GTF2IRD2B: variants seen among roughly 807,000 people sequenced by gnomAD.
The protein encoded by GTF2IRD2B is GTF2I repeat domain containing 2B.
A neutral mutation model predicts 55.6 loss-of-function variants in GTF2IRD2B; 10 were observed. That is an observed-to-expected ratio of 0.18 (90% CI 0.11 to 0.31). GTF2IRD2B has a LOEUF of 0.31. GTF2IRD2B is among the 10% of genes least tolerant of loss of function. The probability of loss-of-function intolerance (pLI) is 1.00; values close to 1 mark genes in which losing one functional copy is unlikely to be tolerated. For synonymous variants in GTF2IRD2B, 107 were observed against 320.5 expected (o/e 0.33, Z 7.12); for missense variants, 206 against 802.7 (o/e 0.26, Z 8.98).
At chr7:75,121,837 T>C (rs1808382363) in intron 4 of GTF2IRD2B, among the ~76,000 whole-genome samples, 1 of 133,298 alleles carries the variant, frequency 7.5e-6, no homozygotes, top group African/African-American at 2.9e-5. Context: ...CTCGGCTCAC[T>C]GCAAGCTCCG....
intron 11 of GTF2IRD2B, 140 bp downstream of exon 11, chr7:75,136,990 GC>G: frequency 1.4e-5 from 4 of 293,626 alleles, no homozygotes; most frequent in South Asian, 8.4e-5. Context: ...TATTGCTTGA[GC>G]CCAGGAGTTT....
intron 2 of GTF2IRD2B, among the ~76,000 whole-genome samples, chr7:75,112,054 T>C (rs1554450783): frequency 5.0e-5 from 1 of 19,968 alleles, no homozygotes; most frequent in South Asian, 1.9e-3. Flanking sequence ...CCATCCTGGC[T>C]AACACGGTGA....
chr7:75,117,461 ACCAACAG>A (rs1270398178), intron 3 of GTF2IRD2B, among the ~76,000 whole-genome samples: 1 of 152,296 alleles, frequency 6.6e-6, no homozygotes, highest in Non-Finnish European at 1.5e-5. Context: ...GCCTGTGATG[ACCAACAG>A]CATTTGGGAT....
At chr7:75,127,883 TA>T (rs1231619070) in intron 8 of GTF2IRD2B, among the ~76,000 whole-genome samples, 1 of 4,286 alleles carries the variant, frequency 2.3e-4, no homozygotes, top group Admixed American at 2.3e-3. Flanking sequence ...AGGTTAAGAT[TA>T]AAAAAAAAAA....
At position 75,149,265 on chromosome 7, in the gene GTF2IRD2B, C is replaced by A. The variant is rs1584555297; in HGVS notation, c.2818C>A (p.Gln940Lys). Residue 940 changes from glutamine to lysine, a missense_variant, in exon 16 of 16, where the codon CAG (glutamine) becomes AAG (lysine). Physicochemically the swap from Gln to Lys is moderately conservative, Grantham distance 53. Coordinates refer to ENST00000472837, the MANE Select transcript of GTF2IRD2B (RefSeq NM_001003795.3). ...ATACTGCTCCCAGTTAAAGGATTCC[C>A]AGTGGGATTCTGTACTCCACATCGC... ...TKYCSQLKDS[Q>K]WDSVLHIAT The A allele has an allele frequency of 2.7e-6, 2 of 752,320 alleles. No individual in the cohort carries two copies. Among genetic ancestry groups the A allele is most frequent in the East Asian group, 4.9e-5 (2 of 40,928 alleles). 46.6% of individuals were successfully genotyped at this position (752,320 alleles called of 1,614,324 possible). A position where few individuals can be genotyped will look rare whatever the true frequency, so the allele number is the denominator to read the frequency against.
intron 1 of GTF2IRD2B, among the ~76,000 whole-genome samples, chr7:75,102,924 A>G (rs1807625534): frequency 6.6e-6 from 1 of 151,080 alleles, no homozygotes; most frequent in Admixed American, 6.6e-5. Flanking sequence ...ATGCCATTTC[A>G]CTCCAGCCTG....
intron 11 of GTF2IRD2B, 118 bp from the exon 12 acceptor site, chr7:75,138,825 CAAAAAAA>C (rs71273506): frequency 2.5e-4 from 2 of 8,016 alleles, no homozygotes; most frequent in Non-Finnish European, 4.5e-4. Flanking sequence ...GAACCTGTCT[CAAAAAAA>C]AAAAAAAAAA....
Position 75,112,444 on chromosome 7 carries a change from G to A in GTF2IRD2B, c.147G>A (p.Val49=). 1 of 599,586 alleles carries A rather than the reference G, an allele frequency of 1.7e-6. No individual in the cohort carries two copies. The highest frequency in any genetic ancestry group is 1.8e-5 in the South Asian group (1 of 56,412). 37.1% of individuals were successfully genotyped at this position (599,586 alleles called of 1,614,324 possible). The change falls in exon 3 of 16, where the codon GTG becomes GTA. Residue 49 remains valine (V), a synonymous_variant. Transcript: ENST00000472837. ...KSKAEVACIA[V]YETDVFVVGT... ...AGGCAGAAGTGGCCTGCATCGCAGT[G>A]TACGAAACAGACGTGTTTGTCGTCG...
chr7:75,134,012 A>G (rs1230867645), intron 9 of GTF2IRD2B, among the ~76,000 whole-genome samples: 1 of 126,910 alleles, frequency 7.9e-6, no homozygotes, highest in Non-Finnish European at 1.6e-5. Context: ...TCCTGAACTG[A>G]CTGGTCACTG....
At chr7:75,133,670 G>C (rs1554453233) in intron 9 of GTF2IRD2B, among the ~76,000 whole-genome samples, 1 of 149,034 alleles carries the variant, frequency 6.7e-6, no homozygotes, top group Non-Finnish European at 1.5e-5. Context: ...AGCCTCCCAA[G>C]GAGGTGGGAT....
Position 75,147,812 on chromosome 7 carries a change from T to A in GTF2IRD2B, c.1365T>A (p.Ser455=). The A allele has an allele frequency of 1.3e-6, 1 of 783,210 alleles. No homozygotes were observed. The highest frequency in any genetic ancestry group is 2.3e-6 in the Non-Finnish European group (1 of 426,478). The allele number at this position is 783,210 out of a possible 1,614,324, so 48.5% of individuals were successfully genotyped here. A position where few individuals can be genotyped will look rare whatever the true frequency, so the allele number is the denominator to read the frequency against. ...GTCTCATATGCAAACAAAGCATGTC[T>A]GTGTCCAAAGAATATAACCTAAGAC... is the stretch of plus-strand genomic sequence containing the variant. ...PTCLICKQSM[S]VSKEYNLRRH... Residue 455 remains serine (S), a synonymous_variant, in exon 16 of 16, where the codon TCT becomes TCA. Coordinates refer to ENST00000472837, the MANE Select transcript of GTF2IRD2B (RefSeq NM_001003795.3).
chr7:75,092,889 C>A (rs1366876994), intron 1 of GTF2IRD2B, 124 bp downstream of exon 1: 1 of 152,258 alleles, frequency 6.6e-6, no homozygotes, highest in African/African-American at 2.4e-5. Flanking sequence ...GGGAGGTGGC[C>A]CCCCGGGACA....
chr7:75,093,095 C>T (rs1231216263), intron 1 of GTF2IRD2B, among the ~76,000 whole-genome samples: 1 of 152,098 alleles, frequency 6.6e-6, no homozygotes, highest in South Asian at 2.1e-4. Flanking sequence ...GGGGCGCTCG[C>T]GCTGCGTGCA....
At chr7:75,093,248 C>T (rs200198838) in intron 1 of GTF2IRD2B, among the ~76,000 whole-genome samples, 6,504 of 148,782 alleles carry the variant, frequency 0.044, no homozygotes, top group Middle Eastern at 0.14. Context: ...TCGCGACGGC[C>T]TCCGGGGATC....
In GTF2IRD2B at chr7:75,123,689, C is replaced by T. The variant is rs1381298676; in HGVS notation, c.571+173C>T. 2 of 715,094 alleles carry T rather than the reference C, an allele frequency of 2.8e-6. 1 individual carries two copies. Among genetic ancestry groups the T allele is most frequent in the Non-Finnish European group, 5.0e-6 (2 of 401,062 alleles). The allele number at this position is 715,094 out of a possible 1,614,324, so 44.3% of individuals were successfully genotyped here. A position where few individuals can be genotyped will look rare whatever the true frequency, so the allele number is the denominator to read the frequency against. ...AGGAGATCGCGACCATCCTGGCTAA[C>T]ACGGTGAAGCCCAGTCTGTACTAAA... On this transcript the variant is annotated intron_variant, in intron 6 of 15. Transcript: ENST00000472837.
chr7:75,145,602 G>A lies in GTF2IRD2B; in HGVS notation c.1246+1624G>A, dbSNP rs1356627686. ...ACAAAAATTAGCCGGGCATGGTGGC[G>A]CGTGCCTATAATCCCAGCTACTCGG... is the stretch of plus-strand genomic sequence containing the variant. On this transcript the variant is annotated intron_variant, in intron 15 of 15. Transcript: ENST00000472837. Among the ~76,000 whole-genome samples the A allele has an allele frequency of 4.8e-5, 7 of 147,190 alleles. No individual in the cohort carries two copies. In the South Asian group the frequency reaches 6.4e-4, roughly 13 times the overall value.
At chr7:75,136,106 A>G (rs1331342518) in intron 10 of GTF2IRD2B, among the ~76,000 whole-genome samples, 3 of 107,068 alleles carry the variant, frequency 2.8e-5, no homozygotes, top group African/African-American at 1.4e-4. Flanking sequence ...GCACCATTCC[A>G]CTCCAGCCTG....
At chr7:75,132,762 A>C (rs1306665811) in intron 8 of GTF2IRD2B, among the ~76,000 whole-genome samples, 1 of 147,902 alleles carries the variant, frequency 6.8e-6, no homozygotes, top group Non-Finnish European at 1.5e-5. Context: ...CATGTTAGCC[A>C]GGTTGGTCTC....
intron 13 of GTF2IRD2B, among the ~76,000 whole-genome samples, chr7:75,142,106 A>AACGT (rs1274912267): frequency 5.8e-4 from 88 of 152,366 alleles, no homozygotes; most frequent in African/African-American, 1.9e-3. Context: ...TGGTTTAGGA[A>AACGT]ACGTAAGGAA....
Sources: allele counts gnomAD v4.1 joint callset (sites outside exome capture counted in the v4.1 genomes callset), GRCh38; gene constraint gnomAD v4.1.1; transcripts MANE v1.5; gene names NCBI Gene and HGNC (gene_info 2026-07-23, HGNC 2026-07-21).